Variants in SGSM1 observed in about 807,000 individuals in gnomAD.
SGSM1 encodes the protein small G protein signaling modulator 1.
A neutral mutation model predicts 133.8 loss-of-function variants in SGSM1; 73 were observed. The ratio of observed to expected loss-of-function variants is 0.55; its 90% CI spans 0.45 to 0.66. SGSM1 has a LOEUF of 0.66. Among genes scored for constraint, SGSM1 ranks in the 30% least tolerant of loss-of-function variants. The probability of loss-of-function intolerance (pLI) is 0.00; values close to 1 mark genes in which losing one functional copy is unlikely to be tolerated. For synonymous variants in SGSM1, 563 were observed against 573.0 expected, an observed-to-expected ratio of 0.98 and a Z score of 0.25; for missense variants, 1,213 against 1,448.1, an observed-to-expected ratio of 0.84 and a Z score of 2.64.
intron 2 of SGSM1, among the ~76,000 whole-genome samples, chr22:24,830,932 C>A (rs1179491897): frequency 6.6e-6 from 1 of 152,120 alleles, no homozygotes; most frequent in Non-Finnish European, 1.5e-5. Context: ...CACTAAAAGC[C>A]CCTCCTGGAC....
At chr22:24,882,018 G>T (rs879945636) in intron 14 of SGSM1, among the ~76,000 whole-genome samples, 1 of 151,748 alleles carries the variant, frequency 6.6e-6, no homozygotes, top group Non-Finnish European at 1.5e-5. Context: ...TTGGGGGGGG[G>T]CCTTTTTAAT....
intron 2 of SGSM1, among the ~76,000 whole-genome samples, chr22:24,824,903 T>C (rs1601894176): frequency 6.6e-6 from 1 of 152,228 alleles, no homozygotes; most frequent in South Asian, 2.1e-4. Flanking sequence ...CTCCCTGGAC[T>C]GTAAGGCTTG....
intron 14 of SGSM1, among the ~76,000 whole-genome samples, chr22:24,881,307 C>G (rs1932307458): frequency 6.8e-6 from 1 of 146,892 alleles, no homozygotes; most frequent in Non-Finnish European, 1.5e-5. Flanking sequence ...TGGCTCACGC[C>G]TGTAATCCCA....
chr22:24,838,979 C>G (rs919088481), intron 2 of SGSM1, among the ~76,000 whole-genome samples: 1 of 148,894 alleles, frequency 6.7e-6, no homozygotes, highest in South Asian at 2.1e-4. Flanking sequence ...TTAAATCTGT[C>G]GATTACTTTG....
In SGSM1 at chr22:24,858,654, A is replaced by AAAAGAAG. The variant is rs1268815477; in HGVS notation, c.802-1060_802-1059insAGAAGAA. The stretch of plus-strand genomic sequence containing the variant: ...CCATCTCAAAAAAAAAAAAAAAAAA[A>AAAAGAAG]AAGAAGAAAGACAATCTGGACTTGT... On this transcript the variant is annotated intron_variant, in intron 8 of 24. Coordinates refer to ENST00000400358, the MANE Select transcript of SGSM1 (RefSeq NM_001098497.3). Among the ~76,000 whole-genome samples the AAAAGAAG allele has an allele frequency of 1.0e-3, 149 of 142,720 alleles. 1 individual carries two copies. In the East Asian group the frequency reaches 0.024, roughly 23 times the overall value. The allele number at this position is 142,720 out of a possible 152,430, so 93.6% of individuals were successfully genotyped here. A position where few individuals can be genotyped will look rare whatever the true frequency, so the allele number is the denominator to read the frequency against.
At chr22:24,917,566 T>A in intron 22 of SGSM1, 92 bp from the exon 23 acceptor site, 1 of 820,002 alleles carries the variant, frequency 1.2e-6, no homozygotes, top group East Asian at 2.5e-5. Flanking sequence ...CCGTATGGTG[T>A]CTGGTGTGTG....
At chr22:24,824,060 TG>T (rs1312408943) in intron 2 of SGSM1, among the ~76,000 whole-genome samples, 1 of 152,198 alleles carries the variant, frequency 6.6e-6, no homozygotes, top group Non-Finnish European at 1.5e-5. Flanking sequence ...TCTGGGAGTC[TG>T]ATTCCAGAGC....
chr22:24,918,001 T>C (rs1417043383), intron 23 of SGSM1, among the ~76,000 whole-genome samples: 1 of 152,144 alleles, frequency 6.6e-6, no homozygotes, highest in African/African-American at 2.4e-5. Context: ...AGTTCAGAGC[T>C]AGGGAGAGTT....
intron 9 of SGSM1, among the ~76,000 whole-genome samples, chr22:24,863,494 A>T (rs1417751602): frequency 6.6e-6 from 1 of 152,000 alleles, no homozygotes; most frequent in African/African-American, 2.4e-5. Flanking sequence ...GTTGAATCAG[A>T]ACTTCTAAGG....
At chr22:24,857,172 G>A (rs375556084) in intron 8 of SGSM1, among the ~76,000 whole-genome samples, 6 of 151,598 alleles carry the variant, frequency 4.0e-5, no homozygotes, top group African/African-American at 9.7e-5. Context: ...GGGAAGCTGA[G>A]GCAGGAGGAT....
chr22:24,882,487 T>A (rs2123667189), intron 14 of SGSM1, among the ~76,000 whole-genome samples: 2 of 152,366 alleles, frequency 1.3e-5, no homozygotes, highest in African/African-American at 4.8e-5. Flanking sequence ...ATTGTGAAAT[T>A]CATCACTTCA....
intron 17 of SGSM1, among the ~76,000 whole-genome samples, 154 bp from the exon 18 acceptor site, chr22:24,895,069 T>C (rs915734839): frequency 1.3e-5 from 2 of 152,096 alleles, no homozygotes; most frequent in African/African-American, 4.8e-5. Flanking sequence ...CCCCTTTCAT[T>C]TTACAGCTAG....
intron 12 of SGSM1, 98 bp downstream of exon 12, chr22:24,868,953 TGG>T (rs1931619436): frequency 6.6e-7 from 1 of 1,506,522 alleles, no homozygotes; most frequent in Non-Finnish European, 8.9e-7. Context: ...GTCTGGATTC[TGG>T]GGCTAACAGG....
intron 22 of SGSM1, among the ~76,000 whole-genome samples, chr22:24,913,292 C>CAAA (rs35021919): frequency 5.2e-5 from 5 of 96,942 alleles, no homozygotes; most frequent in Middle Eastern, 5.2e-3. Flanking sequence ...GACTCCATCT[C>CAAA]AAAAAAAAAA....
chr22:24,849,635 G>C (rs892870635), intron 4 of SGSM1, among the ~76,000 whole-genome samples: 2 of 152,230 alleles, frequency 1.3e-5, no homozygotes, highest in Non-Finnish European at 2.9e-5. Flanking sequence ...AGTGAGCAGG[G>C]AGCTCAGCTC....
chr22:24,904,967 G>A (rs975905211), intron 20 of SGSM1, 138 bp from the exon 21 acceptor site: 32 of 739,344 alleles, frequency 4.3e-5, no homozygotes, highest in Middle Eastern at 3.5e-4. Context: ...GAGAGAGATC[G>A]GGGATGGAGA....
intron 2 of SGSM1, among the ~76,000 whole-genome samples, chr22:24,840,025 C>T (rs893984633): frequency 2.0e-5 from 3 of 148,938 alleles, no homozygotes; most frequent in African/African-American, 7.4e-5. Context: ...TCACTGCAAG[C>T]TCCGCCTCCC....
At chr22:24,894,219 A>G (rs1048947230) in intron 17 of SGSM1, among the ~76,000 whole-genome samples, 22 of 152,312 alleles carry the variant, frequency 1.4e-4, no homozygotes, top group African/African-American at 5.3e-4. Flanking sequence ...GCCTTGGCCA[A>G]CATGGTGAAA....
intron 17 of SGSM1, 62 bp downstream of exon 17, chr22:24,893,675 G>T (rs1267982797): frequency 6.5e-5 from 95 of 1,466,390 alleles, no homozygotes; most frequent in Non-Finnish European, 8.2e-5. Context: ...TGCTTCATTG[G>T]GCTGTTCTAA....
Sources: gnomAD v4.1 joint callset for allele counts (sites outside exome capture counted in the v4.1 genomes callset) on GRCh38, gnomAD v4.1.1 for gene constraint, MANE v1.5 for transcripts, NCBI Gene and HGNC (gene_info 2026-07-23, HGNC 2026-07-21) for gene names.